Variants in ZNF559 observed in about 807,000 individuals in gnomAD.
ZNF559 encodes zinc finger protein 559.
ZNF559 carries 17 observed loss-of-function variants against 14.2 expected under a neutral mutation model. The ratio of observed to expected loss-of-function variants is 1.20; its 90% CI spans 0.82 to 1.80. The LOEUF is 1.80. ZNF559 is among the 40% of genes most tolerant of loss of function. The pLI is 0.00. For missense variants in ZNF559, 740 were observed against 629.7 expected (o/e 1.18, Z -1.88); for synonymous variants, 244 against 212.4 (o/e 1.15, Z -1.29).
Position 9,343,688 on chromosome 19 carries a change from A to G in ZNF559, c.*620A>G. ...AACTTGGTCGTTAGGAAACATCCAC[A>G]CTGAAGAGGAACCTGACTGTATGGA... On this transcript the variant is annotated 3_prime_UTR_variant, in exon 7 of 7. Transcript: ENST00000603380. 1 of 987,744 alleles carries G rather than the reference A, an allele frequency of 1.0e-6. No individual in the cohort carries two copies. Among genetic ancestry groups the G allele is most frequent in the African/African-American group, 1.7e-5 (1 of 57,358 alleles). 61.2% of individuals were successfully genotyped at this position (987,744 alleles called of 1,614,324 possible). A position where few individuals can be genotyped will look rare whatever the true frequency, so the allele number is the denominator to read the frequency against.
Position 9,341,929 on chromosome 19 carries a change from C to T in ZNF559, c.478C>T (p.Leu160=). Residue 160 remains leucine, a synonymous_variant, in exon 7 of 7, where the codon CTA becomes TTA. Transcript: ENST00000603380. ...ATGTGAAACAGCCTTCAGCCAACAT[C>T]TACATCTTGTTTGCAAGAAAACTAG... ...NQCETAFSQH[L]HLVCKKTSQN... is the part of the protein sequence containing the mutation. The T allele has an allele frequency of 6.2e-7, 1 of 1,613,726 alleles. No individual in the cohort carries two copies. Among genetic ancestry groups the T allele is most frequent in the Non-Finnish European group, 8.5e-7 (1 of 1,179,902 alleles).
chr19:9,332,942 G>T (rs1369621729), intron 2 of ZNF559: 1 of 152,158 alleles, frequency 6.6e-6, no homozygotes, highest in Non-Finnish European at 1.5e-5. Flanking sequence ...ATTCTAATAT[G>T]AATGTATGAG....
chr19:9,328,348 C>CTTTTTTTTT (rs904074002), intron 2 of ZNF559, among the ~76,000 whole-genome samples: 214 of 60,886 alleles, frequency 3.5e-3, no homozygotes, highest in African/African-American at 4.2e-3. Flanking sequence ...GCTTGTTTGT[C>CTTTTTTTTT]TTTTTTTTTT....
At position 9,337,588 on chromosome 19, in the gene ZNF559, C is replaced by CTAAT. The variant is rs201414163; in HGVS notation, c.-119-206_-119-203dup. ...GTATTCATATCCTGGCTCACACTTT[C>CTAAT]TAATTGGTGATGTTGGGTTAATTAG... On this transcript the variant is annotated intron_variant, in intron 2 of 6. Coordinates refer to ENST00000603380, the MANE Select transcript of ZNF559 (RefSeq NM_032497.3). 7 of 235,626 alleles carry CTAAT rather than the reference C, an allele frequency of 3.0e-5. No homozygotes were observed. In the East Asian group the frequency reaches 7.3e-4, roughly 24 times the overall value. The allele number at this position is 235,626 out of a possible 1,614,324, so 14.6% of individuals were successfully genotyped here.
intron 1 of ZNF559, 160 bp downstream of exon 1, chr19:9,324,388 C>G: frequency 6.7e-7 from 1 of 1,482,996 alleles, no homozygotes; most frequent in Non-Finnish European, 8.9e-7. Flanking sequence ...GGCCCCTCCT[C>G]TGAGAGCCAC....
chr19:9,339,325 G>T lies in ZNF559; in HGVS notation c.160+6G>T, dbSNP rs115056773. On this transcript the variant is annotated splice_donor_region_variant and intron_variant, in intron 5 of 6. Coordinates refer to ENST00000603380, the MANE Select transcript of ZNF559 (RefSeq NM_032497.3). Reference sequence around the variant, plus strand: ...TAAGAATCTAGTTGCAGTAGGTAAGGCTGGTACCATTCTTTTCATTTAGTT... The same window carrying T: ...TAAGAATCTAGTTGCAGTAGGTAAGTCTGGTACCATTCTTTTCATTTAGTT... 2.6e-4 allele frequency: 415 copies of T among 1,602,334 alleles called. 3 individuals are homozygous for T. The African/African-American group carries it at 4.9e-3, about 19-fold the overall frequency.
At chr19:9,328,470 C>T (rs1163314231) in intron 2 of ZNF559, among the ~76,000 whole-genome samples, 3 of 148,570 alleles carry the variant, frequency 2.0e-5, no homozygotes, top group Non-Finnish European at 4.4e-5. Flanking sequence ...TCTCCTGCTT[C>T]AGCCTCCTGA....
intron 5 of ZNF559, among the ~76,000 whole-genome samples, chr19:9,339,767 CTTTTTTT>C (rs200842205): frequency 4.6e-4 from 62 of 134,556 alleles, no homozygotes; most frequent in Middle Eastern, 3.9e-3. Flanking sequence ...ACATTCTTTA[CTTTTTTT>C]TTTTTTTTTT....
At chr19:9,337,746 G>A (rs558194571) in intron 2 of ZNF559, 50 bp from the exon 3 acceptor site, 198 of 1,300,204 alleles carry the variant, frequency 1.5e-4, no homozygotes, top group Middle Eastern at 5.7e-4. Flanking sequence ...TTATGTCCAC[G>A]TGGCATAATA....
chr19:9,324,644 GAAAA>G, intron 1 of ZNF559, 47 bp from the exon 2 acceptor site: 30 of 1,051,872 alleles, frequency 2.9e-5, no homozygotes, highest in South Asian at 3.2e-5. Context: ...ATCTCTAATG[GAAAA>G]AAAAAAAAAA....
intron 2 of ZNF559, among the ~76,000 whole-genome samples, chr19:9,336,093 A>G (rs1358554934): frequency 6.6e-6 from 1 of 152,172 alleles, no homozygotes; most frequent in Admixed American, 6.5e-5. Flanking sequence ...TGCTTTGGAT[A>G]AAAAGTTGAG....
chr19:9,340,054 C>T (rs1211311875), intron 5 of ZNF559, among the ~76,000 whole-genome samples: 4 of 149,278 alleles, frequency 2.7e-5, no homozygotes, highest in East Asian at 4.0e-4. Flanking sequence ...CCAAAGTGCT[C>T]GGATTACGGC....
intron 4 of ZNF559, 97 bp from the exon 5 acceptor site, chr19:9,339,096 A>T: frequency 6.5e-7 from 1 of 1,534,674 alleles, no homozygotes; most frequent in Non-Finnish European, 9.0e-7. Flanking sequence ...GAGACCAAAG[A>T]GTCTTGTCAA....
At chr19:9,338,673 C>T (rs2067373344) in intron 4 of ZNF559, 91 bp downstream of exon 4, 1 of 959,612 alleles carries the variant, frequency 1.0e-6, no homozygotes, top group Middle Eastern at 2.2e-4. Flanking sequence ...CCCCTGCAAG[C>T]AAAGAGGGTC....
At chr19:9,328,973 T>G (rs1406975380) in intron 2 of ZNF559, among the ~76,000 whole-genome samples, 1 of 152,190 alleles carries the variant, frequency 6.6e-6, no homozygotes, top group Non-Finnish European at 1.5e-5. Context: ...AATAACTGAT[T>G]TTAGAGAACA....
Position 9,339,270 on chromosome 19 carries a change from C to T in ZNF559, c.111C>T (p.Asn37=). Residue 37 remains asparagine (N), a synonymous_variant, in exon 5 of 7, where the codon AAC becomes AAT. Transcript: ENST00000603380. ...CTTTGCTGGATCAAACTCAGAGAAA[C>T]TTATACAGAGATGTGATGCTGGAGA... ...EWTLLDQTQR[N]LYRDVMLENY... is the part of the protein sequence containing the mutation. The T allele has an allele frequency of 6.2e-7, 1 of 1,613,856 alleles. No individual in the cohort carries two copies. The highest frequency in any genetic ancestry group is 1.3e-5 in the African/African-American group (1 of 75,018).
chr19:9,345,615 T>G lies in ZNF559; in HGVS notation c.*2547T>G, dbSNP rs2067710097. ...GCCTTTGGGGAAGAGTCTGTTCAAA[T>G]CTTTTGCCTGTTTATATTGGCTTTA... On this transcript the variant is annotated 3_prime_UTR_variant, in exon 7 of 7. Transcript: ENST00000603380. The G allele has an allele frequency of 6.6e-6, 1 of 151,790 alleles. No homozygotes were observed. Among genetic ancestry groups the G allele is most frequent in the Non-Finnish European group, 1.5e-5 (1 of 67,948 alleles). 9.4% of individuals were successfully genotyped at this position (151,790 alleles called of 1,614,324 possible).
At chr19:9,336,127 G>A (rs1156484400) in intron 2 of ZNF559, among the ~76,000 whole-genome samples, 2 of 152,286 alleles carry the variant, frequency 1.3e-5, no homozygotes, top group East Asian at 1.9e-4. Context: ...AGGGAAGCCA[G>A]ATGTCAGTTT....
In ZNF559 at chr19:9,341,490, A is replaced by G. The variant is rs774564421; in HGVS notation, c.244-205A>G. ...TTTAGAAGCCCTCTGAAAGTAAAGAATATAACAGAACTTCCTGCAGTCACT... is the reference window on the plus strand; with the variant it reads ...TTTAGAAGCCCTCTGAAAGTAAAGAGTATAACAGAACTTCCTGCAGTCACT... On this transcript the variant is annotated intron_variant, in intron 6 of 6. Coordinates refer to ENST00000603380, the MANE Select transcript of ZNF559 (RefSeq NM_032497.3). The G allele has an allele frequency of 3.8e-5, 36 of 954,252 alleles. No individual in the cohort carries two copies. The East Asian group carries it at 8.6e-4, about 23-fold the overall frequency. The allele number at this position is 954,252 out of a possible 1,614,324, so 59.1% of individuals were successfully genotyped here.
Sources: allele counts gnomAD v4.1 joint callset (sites outside exome capture counted in the v4.1 genomes callset), GRCh38; gene constraint gnomAD v4.1.1; transcripts MANE v1.5; gene names NCBI Gene and HGNC (gene_info 2026-07-23, HGNC 2026-07-21).